The following SCGB2B2 variants were observed in gnomAD, a reference collection of about 807,000 sequenced individuals.
The protein encoded by SCGB2B2 is secretoglobin-like protein.
Under a neutral mutation model 7.6 loss-of-function variants are expected in SCGB2B2, and 11 were observed. The ratio of observed to expected loss-of-function variants is 1.45; its 90% CI spans 0.91 to 2.40. SCGB2B2 has a LOEUF of 2.40. Among genes scored for constraint, SCGB2B2 ranks in the 30% most tolerant of loss-of-function variants. The probability of loss-of-function intolerance (pLI) is 0.00; values close to 1 mark genes in which losing one functional copy is unlikely to be tolerated. For synonymous variants in SCGB2B2, 50 were observed against 48.6 expected, an observed-to-expected ratio of 1.03 and a Z score of -0.12; for missense variants, 104 against 115.4, an observed-to-expected ratio of 0.90 and a Z score of 0.45.
chr19:34,651,120 A>G (rs2067151577), intron 1 of SCGB2B2, among the ~76,000 whole-genome samples: 1 of 151,462 alleles, frequency 6.6e-6, no homozygotes, highest in African/African-American at 2.5e-5. Context: ...AAATCAATGT[A>G]TGGCAAACCC....
At chr19:34,598,380 C>T (rs1052316374) in intron 1 of SCGB2B2, among the ~76,000 whole-genome samples, 3 of 152,200 alleles carry the variant, frequency 2.0e-5, no homozygotes, top group African/African-American at 7.2e-5. Flanking sequence ...CTTGAGCCAC[C>T]CACTTCCTTG....
intron 1 of SCGB2B2, among the ~76,000 whole-genome samples, chr19:34,659,654 G>A (rs2067393401): frequency 6.6e-6 from 1 of 152,156 alleles, no homozygotes; most frequent in Non-Finnish European, 1.5e-5. Context: ...CAAACAAATG[G>A]AAGAACATTC....
intron 1 of SCGB2B2, among the ~76,000 whole-genome samples, chr19:34,599,126 A>AG (rs1342709290): frequency 6.6e-6 from 1 of 152,212 alleles, no homozygotes; most frequent in Non-Finnish European, 1.5e-5. Context: ...CCTCAACTGT[A>AG]GGTTCACCTT....
chr19:34,648,701 G>A (rs1023549099), intron 1 of SCGB2B2, among the ~76,000 whole-genome samples: 1 of 150,750 alleles, frequency 6.6e-6, no homozygotes, highest in African/African-American at 2.4e-5. Flanking sequence ...TTTGTGATGT[G>A]TCTTTTTCCT....
chr19:34,628,637 C>A (rs1244933814), intron 1 of SCGB2B2, among the ~76,000 whole-genome samples: 1 of 151,724 alleles, frequency 6.6e-6, no homozygotes, highest in Admixed American at 6.6e-5. Context: ...AGCCTACCAA[C>A]CAAAAAAAGT....
intron 1 of SCGB2B2, among the ~76,000 whole-genome samples, chr19:34,616,308 G>C (rs1010382115): frequency 1.3e-5 from 2 of 148,694 alleles, no homozygotes; most frequent in African/African-American, 4.9e-5. Context: ...CCCACCGACA[G>C]GGTAAAAGTG....
Position 34,676,717 on chromosome 19 carries a change from A to G in SCGB2B2, c.-3119T>C, listed in dbSNP as rs896479489. The G allele has an allele frequency of 4.6e-5, 7 of 152,368 alleles. No individual in the cohort carries two copies. The highest frequency in any genetic ancestry group is 7.2e-5 in the African/African-American group (3 of 41,586). The allele number at this position is 152,368 out of a possible 1,614,324, so 9.4% of individuals were successfully genotyped here. A position where few individuals can be genotyped will look rare whatever the true frequency, so the allele number is the denominator to read the frequency against. ...CTGCTTCACGAAGATCATGCAGGTCAGTACTTAATAAGTACAAAAAAGTCT... is the reference window on the plus strand; with the variant it reads ...CTGCTTCACGAAGATCATGCAGGTCGGTACTTAATAAGTACAAAAAAGTCT... On this transcript the variant is annotated 5_prime_UTR_variant, in exon 1 of 4. Transcript: ENST00000601241.
chr19:34,670,413 T>C (rs2067771828), intron 1 of SCGB2B2, among the ~76,000 whole-genome samples: 2 of 152,332 alleles, frequency 1.3e-5, no homozygotes, highest in East Asian at 1.9e-4. Context: ...CTTGGTATGG[T>C]CAGTCTTTAA....
chr19:34,636,839 C>A (rs1341789570), intron 1 of SCGB2B2, among the ~76,000 whole-genome samples: 1 of 152,076 alleles, frequency 6.6e-6, no homozygotes, highest in Admixed American at 6.5e-5. Flanking sequence ...CAGAGCCAGT[C>A]CCCGCCAGAG....
chr19:34,629,591 A>G (rs990212225), intron 1 of SCGB2B2, among the ~76,000 whole-genome samples: 19 of 152,026 alleles, frequency 1.2e-4, no homozygotes, highest in African/African-American at 4.3e-4. Context: ...AAGGAGAACT[A>G]CAAACCACTG....
chr19:34,658,473 C>T (rs937345011), intron 1 of SCGB2B2, among the ~76,000 whole-genome samples: 19 of 152,080 alleles, frequency 1.2e-4, no homozygotes, highest in Non-Finnish European at 2.1e-4. Flanking sequence ...CTATAAACAC[C>T]TCTACACAAA....
At chr19:34,648,881 T>C (rs1426719800) in intron 1 of SCGB2B2, among the ~76,000 whole-genome samples, 2 of 151,978 alleles carry the variant, frequency 1.3e-5, no homozygotes, top group Admixed American at 1.3e-4. Context: ...TTGTTCTTTT[T>C]TATTTTATGA....
intron 1 of SCGB2B2, among the ~76,000 whole-genome samples, chr19:34,604,800 T>G (rs761223726): frequency 3.3e-5 from 5 of 152,224 alleles, no homozygotes; most frequent in Admixed American, 3.3e-4. Flanking sequence ...CATGCCTTAT[T>G]CTATTAAGTT....
intron 1 of SCGB2B2, among the ~76,000 whole-genome samples, chr19:34,633,709 G>A (rs1369375522): frequency 6.6e-6 from 1 of 152,018 alleles, no homozygotes; most frequent in Non-Finnish European, 1.5e-5. Context: ...GGTTTCCTGG[G>A]TGTACACATT....
rs187303214 is a variant in SCGB2B2, at chr19:34,657,017, T to C, written c.-2032+18613A>G. ...GAGGAAAAAGCAAATATGCATTAGATATATTTATATAAATAATCTTAGAGC... is the reference window on the plus strand; with the variant it reads ...GAGGAAAAAGCAAATATGCATTAGACATATTTATATAAATAATCTTAGAGC... On this transcript the variant is annotated intron_variant, in intron 1 of 3. Transcript: ENST00000601241. 4.8e-4 allele frequency among the ~76,000 whole-genome samples: 72 copies of C among 151,408 alleles called. 7 individuals carry two copies. The highest frequency in any genetic ancestry group is 1.7e-3 in the African/African-American group (69 of 40,722).
chr19:34,629,932 A>G (rs12973330), intron 1 of SCGB2B2, among the ~76,000 whole-genome samples: 46,508 of 151,766 alleles, frequency 0.31, 8,320 homozygotes, highest in Middle Eastern at 0.47. Flanking sequence ...CCAATGGAAC[A>G]TAACAGAACC....
chr19:34,645,817 C>T lies in SCGB2B2; in HGVS notation c.-2032+29813G>A, dbSNP rs114392660. Reference sequence around the variant, plus strand: ...GGGTCTCAGCTGTCACTATTGCAGACATTTGCCAGGGGAGGTTTCAGTGAA... The same window carrying T: ...GGGTCTCAGCTGTCACTATTGCAGATATTTGCCAGGGGAGGTTTCAGTGAA... On this transcript the variant is annotated intron_variant, in intron 1 of 3. Transcript: ENST00000601241. 950 of 243,426 alleles carry T rather than the reference C, an allele frequency of 3.9e-3. 8 individuals carry two copies. The highest frequency in any genetic ancestry group is 0.021 in the African/African-American group (888 of 42,922). The allele number at this position is 243,426 out of a possible 1,614,324, so 15.1% of individuals were successfully genotyped here.
intron 1 of SCGB2B2, among the ~76,000 whole-genome samples, chr19:34,666,088 C>A (rs2067612539): frequency 6.6e-6 from 1 of 152,106 alleles, no homozygotes; most frequent in African/African-American, 2.4e-5. Flanking sequence ...GCCCACTCAG[C>A]CAGTGCTTTT....
At chr19:34,615,535 C>T (rs984787136) in intron 1 of SCGB2B2, among the ~76,000 whole-genome samples, 1 of 151,398 alleles carries the variant, frequency 6.6e-6, no homozygotes, top group African/African-American at 2.4e-5. Flanking sequence ...TACTCTCCTT[C>T]AAGTATGTAG....
Sources: allele counts gnomAD v4.1 joint callset (sites outside exome capture counted in the v4.1 genomes callset), GRCh38; gene constraint gnomAD v4.1.1; transcripts MANE v1.5; gene names NCBI Gene and HGNC (gene_info 2026-07-23, HGNC 2026-07-21).